SYCP1: variants seen among roughly 807,000 people sequenced by gnomAD.
SYCP1 encodes synaptonemal complex protein 1.
Under a neutral mutation model 153.1 loss-of-function variants are expected in SYCP1, and 64 were observed. The observed-to-expected ratio is 0.42, with a 90% CI of 0.34 to 0.51. The LOEUF (loss-of-function observed/expected upper bound fraction) is 0.51, where lower values mean the gene tolerates loss of function less well. Ranked by LOEUF, SYCP1 falls within the 20% of genes least tolerant of loss-of-function variation. The pLI, the probability that SYCP1 is intolerant of heterozygous loss-of-function variation, is 0.06. For synonymous variants in SYCP1, 384 were observed against 341.8 expected, an observed-to-expected ratio of 1.12 and a Z score of -1.36; for missense variants, 997 against 1,049.0, an observed-to-expected ratio of 0.95 and a Z score of 0.68.
intron 1 of SYCP1, 82 bp from the exon 2 acceptor site, chr1:114,855,359 T>C (rs748069527): frequency 8.4e-5 from 58 of 687,038 alleles, no homozygotes; most frequent in Non-Finnish European, 1.3e-4. Context: ...TTTGTAAACA[T>C]CACTTTAAAG....
intron 27 of SYCP1, among the ~76,000 whole-genome samples, chr1:114,952,004 G>GT (rs1338828193): frequency 6.6e-6 from 1 of 152,032 alleles, no homozygotes; most frequent in Non-Finnish European, 1.5e-5. Flanking sequence ...CTTTTTTTTA[G>GT]TTTTTATTGC....
At chr1:114,969,986 C>A (rs1672375964) in intron 27 of SYCP1, among the ~76,000 whole-genome samples, 1 of 152,156 alleles carries the variant, frequency 6.6e-6, no homozygotes, top group Non-Finnish European at 1.5e-5. Context: ...CACTGTCTAA[C>A]CAGTCCCAAT....
chr1:114,962,670 T>A (rs1557836241), intron 27 of SYCP1, among the ~76,000 whole-genome samples: 2 of 152,178 alleles, frequency 1.3e-5, no homozygotes, highest in Non-Finnish European at 2.9e-5. Context: ...ACATTCAACA[T>A]TAGTATTGAG....
intron 7 of SYCP1, among the ~76,000 whole-genome samples, chr1:114,860,256 T>A (rs1481689982): frequency 6.6e-6 from 1 of 152,190 alleles, no homozygotes; most frequent in Non-Finnish European, 1.5e-5. Context: ...AACTGCCATA[T>A]GTGTTAGTAA....
At chr1:114,899,081 C>T (rs936814362) in intron 16 of SYCP1, among the ~76,000 whole-genome samples, 4 of 152,196 alleles carry the variant, frequency 2.6e-5, no homozygotes, top group African/African-American at 9.7e-5. Context: ...GCATACCCTT[C>T]CAGTCAAAGC....
intron 30 of SYCP1, among the ~76,000 whole-genome samples, chr1:114,985,679 A>C (rs1342319653): frequency 6.6e-6 from 1 of 151,884 alleles, no homozygotes. Flanking sequence ...TTAAAACCCT[A>C]AATATTGAAG....
intron 8 of SYCP1, among the ~76,000 whole-genome samples, chr1:114,871,877 C>T (rs913852185): frequency 5.9e-5 from 9 of 151,324 alleles, no homozygotes; most frequent in South Asian, 4.2e-4. Context: ...TGAGCCACTG[C>T]GCCTGGCCCA....
chr1:114,977,683 T>C, intron 28 of SYCP1, 67 bp downstream of exon 28: 1 of 1,036,144 alleles, frequency 9.7e-7, no homozygotes, highest in South Asian at 1.8e-5. Flanking sequence ...TTAGAAATGA[T>C]TTTTTGTTTA....
chr1:114,902,888 TGA>T (rs1281201614), intron 16 of SYCP1, among the ~76,000 whole-genome samples: 1 of 152,086 alleles, frequency 6.6e-6, no homozygotes, highest in African/African-American at 2.4e-5. Flanking sequence ...AAACATTTGT[TGA>T]GTTTTTCAGC....
chr1:114,938,490 A>C (rs574913153), intron 23 of SYCP1, among the ~76,000 whole-genome samples: 1 of 152,174 alleles, frequency 6.6e-6, no homozygotes, highest in African/African-American at 2.4e-5. Context: ...TGGCACATGT[A>C]TATGTATGTA....
intron 15 of SYCP1, among the ~76,000 whole-genome samples, chr1:114,894,913 A>G (rs926503050): frequency 4.6e-5 from 7 of 152,130 alleles, no homozygotes; most frequent in African/African-American, 7.2e-5. Context: ...AAAGAGCAGA[A>G]AGGTCAGATA....
intron 27 of SYCP1, among the ~76,000 whole-genome samples, chr1:114,956,692 C>T (rs1671456396): frequency 6.6e-6 from 1 of 152,176 alleles, no homozygotes; most frequent in African/African-American, 2.4e-5. Flanking sequence ...TTGGATCTTT[C>T]CCAGGCTTAT....
chr1:114,973,810 T>C (rs564490626), intron 27 of SYCP1, among the ~76,000 whole-genome samples: 1 of 151,988 alleles, frequency 6.6e-6, no homozygotes, highest in Non-Finnish European at 1.5e-5. Context: ...ATTTCAATTA[T>C]GTGTACTTCA....
intron 8 of SYCP1, among the ~76,000 whole-genome samples, chr1:114,865,093 T>G (rs915422903): frequency 2.6e-5 from 4 of 152,194 alleles, no homozygotes; most frequent in Non-Finnish European, 5.9e-5. Flanking sequence ...AAATTTGTAG[T>G]GTCACTTTCC....
chr1:114,980,126 A>C (rs965048365), intron 28 of SYCP1, among the ~76,000 whole-genome samples: 15 of 151,834 alleles, frequency 9.9e-5, no homozygotes, highest in African/African-American at 3.4e-4. Context: ...CGATTCTAGA[A>C]AAAGGGGAAT....
chr1:114,915,685 T>A (rs542870575), intron 20 of SYCP1, among the ~76,000 whole-genome samples: 10 of 152,334 alleles, frequency 6.6e-5, no homozygotes, highest in African/African-American at 2.4e-4. Flanking sequence ...TAAGTTCAAT[T>A]AAAGACTTCC....
intron 12 of SYCP1, among the ~76,000 whole-genome samples, chr1:114,880,208 A>G (rs1665824231): frequency 6.6e-6 from 1 of 152,216 alleles, no homozygotes; most frequent in Non-Finnish European, 1.5e-5. Flanking sequence ...CATAACCACC[A>G]TCTTTCTTCT....
intron 20 of SYCP1, among the ~76,000 whole-genome samples, chr1:114,918,029 T>C (rs1668623317): frequency 2.0e-5 from 3 of 152,044 alleles, no homozygotes; most frequent in Non-Finnish European, 4.4e-5. Flanking sequence ...TTGTCTGTAA[T>C]TGTGGGATAT....
At chr1:114,873,095 A>G (rs983131764) in intron 8 of SYCP1, among the ~76,000 whole-genome samples, 1 of 152,190 alleles carries the variant, frequency 6.6e-6, no homozygotes, top group African/African-American at 2.4e-5. Flanking sequence ...TAGTATATCA[A>G]TCATAGTTGT....
Sources: gnomAD v4.1 joint callset for allele counts (sites outside exome capture counted in the v4.1 genomes callset) on GRCh38, gnomAD v4.1.1 for gene constraint, MANE v1.5 for transcripts, NCBI Gene and HGNC (gene_info 2026-07-23, HGNC 2026-07-21) for gene names.